The following ELP4 variants were observed in gnomAD, a reference collection of about 807,000 sequenced individuals.
ELP4 encodes elongator acetyltransferase complex subunit 4.
ELP4 carries 51 observed loss-of-function variants against 48.9 expected under a neutral mutation model. The observed-to-expected ratio is 1.04, with a 90% CI of 0.83 to 1.32. ELP4 has a LOEUF of 1.32. Ranked by LOEUF, ELP4 falls within the 40% of genes most tolerant of loss-of-function variation. The pLI is 0.00. For missense variants in ELP4, 519 were observed against 514.6 expected (o/e 1.01, Z -0.08); for synonymous variants, 210 against 189.2 (o/e 1.11, Z -0.90).
In ELP4 at chr11:31,539,752, C is replaced by G. The variant is rs76318271; in HGVS notation, c.350C>G (p.Ser117Cys). 1 of 1,611,458 alleles carries G rather than the reference C, an allele frequency of 6.2e-7. No homozygotes were observed. Among genetic ancestry groups the G allele is most frequent in the African/African-American group, 1.3e-5 (1 of 74,952 alleles). The change falls in exon 3 of 10, where the codon TCT (serine) becomes TGT (cysteine). Residue 117 changes from serine (S) to cysteine (C), a missense_variant. Ser to Cys is a moderately radical substitution (Grantham distance 112). Transcript: ENST00000640961. ...AATGGGCATACTTTGTTGGTTGCAT[C>G]TGCTAAAGAGGATCCTGCCAACATT... ...IVNGHTLLVA[S>C]AKEDPANILQ...
rs1405846268 is a variant in ELP4, at chr11:31,647,733, T to TATTGCAGAATAAAGCCA, written c.928-8_928-7insATTGCAGAATAAAGCCA. On this transcript the variant is annotated splice_region_variant and splice_polypyrimidine_tract_variant and intron_variant, in intron 7 of 9. Transcript: ENST00000640961. ...TTAACGTTACTGTTTTGTTTCCATG[T>TATTGCAGAATAAAGCCA]TTTGCAGAATAAAGCCATTATTGCC... The TATTGCAGAATAAAGCCA allele has an allele frequency of 2.5e-5, 39 of 1,551,712 alleles. No individual in the cohort carries two copies. The highest frequency in any genetic ancestry group is 3.4e-5 in the Non-Finnish European group (38 of 1,124,512).
At chr11:31,593,108 TGACTGACTTCTCA>T (rs1957612687) in intron 3 of ELP4, among the ~76,000 whole-genome samples, 1 of 152,242 alleles carries the variant, frequency 6.6e-6, no homozygotes, top group African/African-American at 2.4e-5. Context: ...GACAATTGTT[TGACTGACTTCTCA>T]CAATCTAACA....
In ELP4 at chr11:31,787,689, C is replaced by T; in HGVS notation, c.*4165C>T. ...GGCTGACACTGAACAAAACTACATG[C>T]ACACATACAAAAACTGCAACTTAGG... On this transcript the variant is annotated 3_prime_UTR_variant, in exon 10 of 10. Transcript: ENST00000640961. 4.3e-6 allele frequency: 1 copy of T among 230,872 alleles called. No homozygotes were observed. The allele number at this position is 230,872 out of a possible 1,614,324, so 14.3% of individuals were successfully genotyped here. A position where few individuals can be genotyped will look rare whatever the true frequency, so the allele number is the denominator to read the frequency against.
At position 31,784,287 on chromosome 11, in the gene ELP4, CAT is replaced by C. The variant is rs1948439932; in HGVS notation, c.*765_*766del. ...AAGCTTGTTGAGAGATTTTACAGAACATAGGTCTGAGACAAAGTGAAAAAATG... is the reference window on the plus strand; with the variant it reads ...AAGCTTGTTGAGAGATTTTACAGAACAGGTCTGAGACAAAGTGAAAAAATG... On this transcript the variant is annotated 3_prime_UTR_variant, in exon 10 of 10. Coordinates refer to ENST00000640961, the MANE Select transcript of ELP4 (RefSeq NM_019040.5). The C allele has an allele frequency of 6.6e-6, 1 of 152,084 alleles. No homozygotes were observed. The highest frequency in any genetic ancestry group is 1.5e-5 in the Non-Finnish European group (1 of 67,964). 9.4% of individuals were successfully genotyped at this position (152,084 alleles called of 1,614,324 possible). A position where few individuals can be genotyped will look rare whatever the true frequency, so the allele number is the denominator to read the frequency against.
intron 9 of ELP4, among the ~76,000 whole-genome samples, chr11:31,730,520 C>T (rs1282508081): frequency 6.6e-6 from 1 of 152,178 alleles, no homozygotes; most frequent in Non-Finnish European, 1.5e-5. Context: ...CTCCAAGCTT[C>T]TCCATGGACA....
At chr11:31,622,136 C>G (rs1238473030) in intron 5 of ELP4, among the ~76,000 whole-genome samples, 1 of 151,774 alleles carries the variant, frequency 6.6e-6, no homozygotes, top group Non-Finnish European at 1.5e-5. Context: ...ATCAGGTAGT[C>G]TTATTGAAAA....
At position 31,650,144 on chromosome 11, in the gene ELP4, C is replaced by A. The variant is rs1945290566; in HGVS notation, c.1066C>A (p.Leu356Ile). The change falls in exon 9 of 10, where the codon CTT becomes ATT. Residue 356 changes from leucine (L) to isoleucine (I), a missense_variant. Transcript: ENST00000640961. The part of the protein sequence containing the change: ...GLIHIRQIPR[L>I]NNLICDESDV... ...GATTCATATACGGCAGATTCCTCGGCTTAATAACTTGATCTGTGATGAATC... is the reference window on the plus strand; with the variant it reads ...GATTCATATACGGCAGATTCCTCGGATTAATAACTTGATCTGTGATGAATC... 1 of 1,530,338 alleles carries A rather than the reference C, an allele frequency of 6.5e-7. No individual in the cohort carries two copies. Among genetic ancestry groups the A allele is most frequent in the Non-Finnish European group, 9.0e-7 (1 of 1,111,686 alleles). The allele number at this position is 1,530,338 out of a possible 1,614,324, so 94.8% of individuals were successfully genotyped here. A position where few individuals can be genotyped will look rare whatever the true frequency, so the allele number is the denominator to read the frequency against.
At chr11:31,706,518 T>G (rs572576824) in intron 9 of ELP4, among the ~76,000 whole-genome samples, 53 of 148,014 alleles carry the variant, frequency 3.6e-4, no homozygotes, top group African/African-American at 1.1e-3. Flanking sequence ...TATTTATATA[T>G]GTAATTAATT....
At chr11:31,675,559 C>T (rs1033167612) in intron 9 of ELP4, among the ~76,000 whole-genome samples, 1 of 152,130 alleles carries the variant, frequency 6.6e-6, no homozygotes, top group Non-Finnish European at 1.5e-5. Context: ...CCGCGCCCAG[C>T]TACATTTAAT....
intron 9 of ELP4, among the ~76,000 whole-genome samples, chr11:31,776,183 G>T (rs1194007383): frequency 6.0e-5 from 9 of 150,872 alleles, no homozygotes; most frequent in African/African-American, 1.9e-4. Context: ...AAAGAGTATG[G>T]GATCTAGAAG....
rs536664105 is a variant in ELP4 at position 31,748,390 on chromosome 11, G to A, written c.1144-35003G>A. 3.2e-4 allele frequency among the ~76,000 whole-genome samples: 49 copies of A among 151,988 alleles called. 1 individual carries two copies. Among genetic ancestry groups the A allele is most frequent in the East Asian group, 2.3e-3 (12 of 5,108 alleles). ...TTCCCCAGTAGCTGGGACTACAGGC[G>A]CACGCCACTATGCCCAGCTAATTTT... On this transcript the variant is annotated intron_variant, in intron 9 of 9. Transcript: ENST00000640961.
chr11:31,622,481 T>C (rs1944644794), intron 5 of ELP4, among the ~76,000 whole-genome samples: 2 of 151,786 alleles, frequency 1.3e-5, no homozygotes, highest in Admixed American at 1.3e-4. Flanking sequence ...ATTTATCATC[T>C]ACCTGTACTT....
intron 9 of ELP4, among the ~76,000 whole-genome samples, chr11:31,688,630 C>T (rs1017527184): frequency 6.6e-6 from 1 of 152,132 alleles, no homozygotes; most frequent in South Asian, 2.1e-4. Context: ...AAAATCTATA[C>T]AGCACATTGC....
At chr11:31,725,782 A>G (rs966132238) in intron 9 of ELP4, among the ~76,000 whole-genome samples, 3 of 152,170 alleles carry the variant, frequency 2.0e-5, no homozygotes, top group Admixed American at 6.5e-5. Context: ...CTTAGAGGGT[A>G]TCTGGGTCCA....
chr11:31,666,210 T>C (rs1400506746), intron 9 of ELP4, among the ~76,000 whole-genome samples: 1 of 151,714 alleles, frequency 6.6e-6, no homozygotes, highest in East Asian at 2.0e-4. Flanking sequence ...GGTTTCACCA[T>C]GTTATACAGG....
chr11:31,594,847 A>G lies in ELP4; in HGVS notation c.459A>G (p.Glu153=). The G allele has an allele frequency of 6.4e-7, 1 of 1,567,694 alleles. No homozygotes were observed. The highest frequency in any genetic ancestry group is 8.6e-7 in the Non-Finnish European group (1 of 1,163,250). Residue 153 remains glutamate (E), a synonymous_variant, in exon 4 of 10, where the codon GAA becomes GAG. Coordinates refer to ENST00000640961, the MANE Select transcript of ELP4 (RefSeq NM_019040.5). ...DEDVYNHKTP[E]SNIKMKIAWR... Reference sequence around the variant, plus strand: ...ATGTATACAATCATAAAACACCAGAATCTAATATTAAGATGAAAATAGCTT... The same window carrying G: ...ATGTATACAATCATAAAACACCAGAGTCTAATATTAAGATGAAAATAGCTT...
At chr11:31,645,099 A>G (rs1945174753) in intron 7 of ELP4, among the ~76,000 whole-genome samples, 1 of 151,764 alleles carries the variant, frequency 6.6e-6, no homozygotes, top group Non-Finnish European at 1.5e-5. Flanking sequence ...AGTATGATGA[A>G]AAATTATTCT....
At chr11:31,692,360 A>G (rs576385026) in intron 9 of ELP4, among the ~76,000 whole-genome samples, 28 of 152,312 alleles carry the variant, frequency 1.8e-4, no homozygotes, top group African/African-American at 6.7e-4. Flanking sequence ...AGTAAGTGCT[A>G]TGATCTAGAA....
intron 2 of ELP4, among the ~76,000 whole-genome samples, chr11:31,534,918 A>G (rs956449770): frequency 8.5e-5 from 13 of 152,218 alleles, no homozygotes; most frequent in African/African-American, 2.9e-4. Context: ...TCTTAGTTAT[A>G]CAAAGTAAGC....
Sources: allele counts gnomAD v4.1 joint callset (sites outside exome capture counted in the v4.1 genomes callset), GRCh38; gene constraint gnomAD v4.1.1; transcripts MANE v1.5; gene names NCBI Gene and HGNC (gene_info 2026-07-23, HGNC 2026-07-21).